Variants in DTNA observed in about 807,000 individuals in gnomAD.
The protein encoded by DTNA is dystrophin-related protein 3.
A neutral mutation model predicts 100.7 loss-of-function variants in DTNA; 43 were observed. The observed-to-expected ratio is 0.43, with a 90% CI of 0.33 to 0.55. The LOEUF (loss-of-function observed/expected upper bound fraction) is 0.55. Among genes scored for constraint, DTNA ranks in the 20% least tolerant of loss-of-function variants. The pLI is 0.04. For synonymous variants in DTNA, 349 were observed against 347.9 expected (o/e 1.00, Z -0.04); for missense variants, 798 against 953.9 (o/e 0.84, Z 2.15).
At chr18:34,706,466 T>A (rs2082133069), upstream of DTNA, among the ~76,000 whole-genome samples, 1 of 152,112 alleles carries the variant, frequency 6.6e-6, no homozygotes. Context: ...TAAGAATACA[T>A]TCAGAATATA....
At chr18:34,684,860 T>C (rs2078650954) in intron 1 of DTNA, among the ~76,000 whole-genome samples, 1 of 152,242 alleles carries the variant, frequency 6.6e-6, no homozygotes, top group Non-Finnish European at 1.5e-5. Flanking sequence ...TGAGATGGTA[T>C]CTCATTGTGG....
chr18:34,642,587 T>C (rs2059405365), intron 1 of DTNA, among the ~76,000 whole-genome samples: 1 of 151,504 alleles, frequency 6.6e-6, no homozygotes, highest in African/African-American at 2.4e-5. Context: ...TTCAACGGAG[T>C]CTCGCTCTGT....
chr18:34,807,911 A>T (rs2095405699), intron 5 of DTNA, among the ~76,000 whole-genome samples: 1 of 146,634 alleles, frequency 6.8e-6, no homozygotes, highest in Non-Finnish European at 1.5e-5. Context: ...ATCCTCGGGC[A>T]TTTCCTTCAG....
intron 1 of DTNA, among the ~76,000 whole-genome samples, chr18:34,588,368 A>G (rs1313558802): frequency 6.6e-6 from 1 of 152,012 alleles, no homozygotes; most frequent in African/African-American, 2.4e-5. Context: ...TCCCCAACCC[A>G]GCTTACAGTC....
chr18:34,639,726 C>A (rs1791370266), intron 1 of DTNA, among the ~76,000 whole-genome samples: 1 of 152,204 alleles, frequency 6.6e-6, no homozygotes, highest in Non-Finnish European at 1.5e-5. Context: ...GAAAGAAATA[C>A]AAGTTAAATT....
At chr18:34,777,992 C>T (rs747043250) in intron 3 of DTNA, among the ~76,000 whole-genome samples, 5 of 152,198 alleles carry the variant, frequency 3.3e-5, no homozygotes, top group Non-Finnish European at 7.3e-5. Context: ...GAGGGAACTG[C>T]AGTAGCTTTA....
intron 1 of DTNA, among the ~76,000 whole-genome samples, chr18:34,653,653 T>C (rs1348415471): frequency 6.6e-6 from 1 of 152,082 alleles, no homozygotes; most frequent in African/African-American, 2.4e-5. Flanking sequence ...TGAAACCCCA[T>C]TTCTACTAAA....
chr18:34,705,478 C>T (rs1340219800), upstream of DTNA, among the ~76,000 whole-genome samples: 7 of 152,130 alleles, frequency 4.6e-5, no homozygotes, highest in Non-Finnish European at 7.4e-5. Context: ...TTACAAAAAG[C>T]AAAGTGGACT....
chr18:34,740,199 G>A (rs1024381337), intron 1 of DTNA, among the ~76,000 whole-genome samples: 16 of 152,074 alleles, frequency 1.1e-4, no homozygotes, highest in African/African-American at 3.9e-4. Context: ...TTTCCAGGTA[G>A]TAGTTTAGAC....
chr18:34,527,213 C>T (rs748759772), intron 1 of DTNA, among the ~76,000 whole-genome samples: 1 of 151,912 alleles, frequency 6.6e-6, no homozygotes, highest in Non-Finnish European at 1.5e-5. Flanking sequence ...GGTAATATCT[C>T]TCTGCTAAAA....
intron 1 of DTNA, among the ~76,000 whole-genome samples, chr18:34,628,777 A>G (rs934038964): frequency 3.3e-5 from 5 of 152,128 alleles, no homozygotes; most frequent in Non-Finnish European, 5.9e-5. Context: ...TCTTACTTGA[A>G]CTTGTTTGTC....
At position 34,858,341 on chromosome 18, in the gene DTNA, C is replaced by T. The variant is rs2096576907; in HGVS notation, c.1589C>T (p.Pro530Leu). Residue 530 changes from proline (P) to leucine (L), a missense_variant, in exon 16 of 23, where the codon CCC becomes CTC. Pro to Leu is a moderately conservative substitution (Grantham distance 98). This residue lies in a region of DTNA where 159 missense variants were observed against 201.2 expected (regional missense o/e 0.79). Transcript: ENST00000444659. ...CTAGAGCATGAACAAGCTTCTCAGCCCACGCCAGAGAAGGCACAGCAAAAC... is the reference window on the plus strand; with the variant it reads ...CTAGAGCATGAACAAGCTTCTCAGCTCACGCCAGAGAAGGCACAGCAAAAC... ...LRLEHEQASQ[P>L]TPEKAQQNPT... 2 of 1,613,982 alleles carry T rather than the reference C, an allele frequency of 1.2e-6. No individual in the cohort carries two copies. Among genetic ancestry groups the T allele is most frequent in the Non-Finnish European group, 1.7e-6 (2 of 1,180,032 alleles).
At chr18:34,824,195 G>T (rs1195772957) in intron 9 of DTNA, among the ~76,000 whole-genome samples, 2 of 152,202 alleles carry the variant, frequency 1.3e-5, no homozygotes, top group African/African-American at 4.8e-5. Context: ...AAAATTGCTG[G>T]CCAGGCACAG....
Position 34,888,517 on chromosome 18 carries a change from T to C in DTNA, c.*783T>C. 1.0e-6 allele frequency: 1 copy of C among 985,752 alleles called. No homozygotes were observed. Among genetic ancestry groups the C allele is most frequent in the Middle Eastern group, 5.2e-4 (1 of 1,912 alleles). The allele number at this position is 985,752 out of a possible 1,614,324, so 61.1% of individuals were successfully genotyped here. ...AAGATACTCTAATCAGCCATAGAAT[T>C]TAGTGTAAATATTTTTTTTTCCAAA... On this transcript the variant is annotated 3_prime_UTR_variant, in exon 23 of 23. Coordinates refer to ENST00000444659, the MANE Select transcript of DTNA (RefSeq NM_001386795.1).
chr18:34,557,704 C>A (rs2046224744), intron 1 of DTNA, among the ~76,000 whole-genome samples: 1 of 151,372 alleles, frequency 6.6e-6, no homozygotes, highest in Admixed American at 6.6e-5. Context: ...CAGGGACCCA[C>A]TTGAGGAGGC....
intron 1 of DTNA, among the ~76,000 whole-genome samples, chr18:34,584,480 A>G (rs540422618): frequency 7.2e-5 from 11 of 152,328 alleles, no homozygotes; most frequent in Middle Eastern, 3.4e-3. Context: ...ATTCTTAAAA[A>G]TTAAAAATGT....
intron 1 of DTNA, among the ~76,000 whole-genome samples, chr18:34,494,172 C>T (rs1048764499): frequency 2.6e-5 from 4 of 151,980 alleles, no homozygotes; most frequent in East Asian, 1.9e-4. Flanking sequence ...GTCATCCTCT[C>T]GGGCTGAGCT....
At chr18:34,497,477 T>C (rs2039378843) in intron 1 of DTNA, among the ~76,000 whole-genome samples, 1 of 152,168 alleles carries the variant, frequency 6.6e-6, no homozygotes, top group South Asian at 2.1e-4. Context: ...CTCCATTTTA[T>C]AGAAGGGAAA....
intron 1 of DTNA, among the ~76,000 whole-genome samples, chr18:34,602,959 C>G (rs981809062): frequency 6.6e-6 from 1 of 150,906 alleles, no homozygotes; most frequent in Non-Finnish European, 1.5e-5. Flanking sequence ...ACCGAGATCA[C>G]GCCATTGTAC....
Sources: allele counts gnomAD v4.1 joint callset (sites outside exome capture counted in the v4.1 genomes callset), GRCh38; gene constraint gnomAD v4.1.1; regional missense constraint gnomAD v4.1.1; transcripts MANE v1.5; gene names NCBI Gene and HGNC (gene_info 2026-07-23, HGNC 2026-07-21).